MCC: variants seen among roughly 807,000 people sequenced by gnomAD.
MCC encodes colorectal mutant cancer protein.
In MCC, 90 loss-of-function variants were observed where a neutral mutation model predicts 116.2. The ratio of observed to expected loss-of-function variants is 0.77; its 90% CI spans 0.65 to 0.92. The LOEUF (loss-of-function observed/expected upper bound fraction) is 0.92. Among genes scored for constraint, MCC ranks in the 40% least tolerant of loss-of-function variants. The pLI is 0.00. For missense variants in MCC, 1,516 were observed against 1,312.2 expected (o/e 1.16, Z -2.40); for synonymous variants, 578 against 510.5 (o/e 1.13, Z -1.78).
chr5:113,464,819 C>T (rs1771850662), intron 1 of MCC, among the ~76,000 whole-genome samples: 1 of 151,410 alleles, frequency 6.6e-6, no homozygotes, highest in East Asian at 1.9e-4. Context: ...TAAAAAAGCT[C>T]CACTCATGGC....
intron 1 of MCC, among the ~76,000 whole-genome samples, chr5:113,387,928 A>G (rs1040059725): frequency 2.0e-5 from 3 of 152,166 alleles, no homozygotes; most frequent in Non-Finnish European, 4.4e-5. Context: ...ATGAATTGTG[A>G]TCTGCTCAGG....
intron 3 of MCC, among the ~76,000 whole-genome samples, chr5:113,262,389 A>T (rs1463578604): frequency 6.6e-6 from 1 of 152,102 alleles, no homozygotes; most frequent in African/African-American, 2.4e-5. Flanking sequence ...TGGTCTAATA[A>T]TTATTTATAT....
At chr5:113,456,659 G>A (rs1385457125) in intron 1 of MCC, among the ~76,000 whole-genome samples, 1 of 85,722 alleles carries the variant, frequency 1.2e-5, no homozygotes, top group Non-Finnish European at 2.1e-5. Flanking sequence ...TTTTAGTAGA[G>A]ACGAGGCTTC....
chr5:113,405,601 C>A (rs1455867105), intron 1 of MCC, among the ~76,000 whole-genome samples: 1 of 151,918 alleles, frequency 6.6e-6, no homozygotes, highest in African/African-American at 2.4e-5. Flanking sequence ...CTAGCCTGGG[C>A]AACATAGGGA....
intron 3 of MCC, among the ~76,000 whole-genome samples, chr5:113,231,470 T>G (rs1763939073): frequency 6.6e-6 from 1 of 152,182 alleles, no homozygotes; most frequent in Non-Finnish European, 1.5e-5. Flanking sequence ...GACCTGCTAT[T>G]TAGCCAGATC....
At chr5:113,144,407 G>A (rs10519336) in intron 4 of MCC, among the ~76,000 whole-genome samples, 43,189 of 152,118 alleles carry the variant, frequency 0.28, 6,458 homozygotes, top group African/African-American at 0.36. Flanking sequence ...TGTCAGCAGA[G>A]GAACTTTAAT....
At chr5:113,362,356 G>A (rs993988229) in intron 2 of MCC, among the ~76,000 whole-genome samples, 1 of 152,096 alleles carries the variant, frequency 6.6e-6, no homozygotes, top group Non-Finnish European at 1.5e-5. Context: ...TAAATTTGTC[G>A]AGACTTGTTT....
chr5:113,157,412 T>C (rs1055143794), intron 3 of MCC, among the ~76,000 whole-genome samples: 1 of 152,198 alleles, frequency 6.6e-6, no homozygotes, highest in Non-Finnish European at 1.5e-5. Context: ...CTTCAGTCTG[T>C]GCTTTGAACA....
At chr5:113,310,649 C>T (rs1026275432) in intron 3 of MCC, among the ~76,000 whole-genome samples, 1 of 152,136 alleles carries the variant, frequency 6.6e-6, no homozygotes, top group Non-Finnish European at 1.5e-5. Context: ...TTTTCAAACA[C>T]CTTCCACTAC....
intron 3 of MCC, among the ~76,000 whole-genome samples, chr5:113,179,832 GATAC>G (rs1761521474): frequency 6.6e-6 from 1 of 152,206 alleles, no homozygotes; most frequent in Non-Finnish European, 1.5e-5. Flanking sequence ...ATGGGCCTTA[GATAC>G]AGGCACACAC....
intron 3 of MCC, among the ~76,000 whole-genome samples, chr5:113,247,771 C>A (rs779438507): frequency 7.9e-5 from 12 of 152,118 alleles, no homozygotes; most frequent in Non-Finnish European, 1.3e-4. Context: ...TCAAGGCTCT[C>A]AATCTTCAAG....
chr5:113,230,830 T>C (rs1030469829), intron 3 of MCC, among the ~76,000 whole-genome samples: 5 of 152,188 alleles, frequency 3.3e-5, no homozygotes, highest in Admixed American at 3.3e-4. Flanking sequence ...TACCATTCCA[T>C]TGACTTTCTC....
chr5:113,409,778 T>A (rs1008190062), intron 1 of MCC, among the ~76,000 whole-genome samples: 2 of 152,218 alleles, frequency 1.3e-5, no homozygotes, highest in Admixed American at 1.3e-4. Flanking sequence ...AAGGGCAATT[T>A]ATGCATCAGA....
intron 3 of MCC, among the ~76,000 whole-genome samples, chr5:113,333,864 T>TATATGTATATATGTATATATGTAC (rs1767800815): frequency 8.7e-6 from 1 of 114,296 alleles, no homozygotes; most frequent in Non-Finnish European, 1.7e-5. Flanking sequence ...CATATATGTA[T>TATATGTATATATGTATATATGTAC]ATATGTATTC....
intron 3 of MCC, among the ~76,000 whole-genome samples, chr5:113,232,052 C>T (rs1435871653): frequency 6.6e-6 from 1 of 152,140 alleles, no homozygotes; most frequent in African/African-American, 2.4e-5. Context: ...AATAGTTTAT[C>T]ACCACCTCAA....
At chr5:113,476,804 A>C (rs1241395421) in intron 1 of MCC, among the ~76,000 whole-genome samples, 1 of 152,282 alleles carries the variant, frequency 6.6e-6, no homozygotes, top group Middle Eastern at 3.4e-3. Flanking sequence ...AGGTGATGAA[A>C]CTATTCTAAA....
chr5:113,467,497 T>C (rs928997578), intron 1 of MCC, among the ~76,000 whole-genome samples: 1 of 152,202 alleles, frequency 6.6e-6, no homozygotes, highest in African/African-American at 2.4e-5. Context: ...TAGTTGTAGA[T>C]ATGCAGCATT....
chr5:113,022,806 GA>G lies in MCC; in HGVS notation c.*4495del, dbSNP rs1179705758. On this transcript the variant is annotated 3_prime_UTR_variant, in exon 19 of 19. Coordinates refer to ENST00000408903, the MANE Select transcript of MCC (RefSeq NM_001085377.2). Reference sequence around the variant, plus strand: ...CCTGATTAGCAGATGGATGACTGTGGAAAGATGAAGTACTAGTCAAGGATGT... The same window carrying G: ...CCTGATTAGCAGATGGATGACTGTGGAAGATGAAGTACTAGTCAAGGATGT... The G allele has an allele frequency of 6.6e-6, 1 of 152,234 alleles. No homozygotes were observed. Among genetic ancestry groups the G allele is most frequent in the Non-Finnish European group, 1.5e-5 (1 of 68,040 alleles). 9.4% of individuals were successfully genotyped at this position (152,234 alleles called of 1,614,324 possible).
chr5:113,460,807 T>C (rs1360515120), intron 1 of MCC, among the ~76,000 whole-genome samples: 2 of 152,256 alleles, frequency 1.3e-5, no homozygotes, highest in African/African-American at 4.8e-5. Flanking sequence ...CTGCAACACC[T>C]GACCGTTTGT....
Sources: gnomAD v4.1 joint callset for allele counts (sites outside exome capture counted in the v4.1 genomes callset) on GRCh38, gnomAD v4.1.1 for gene constraint, MANE v1.5 for transcripts, NCBI Gene and HGNC (gene_info 2026-07-23, HGNC 2026-07-21) for gene names.